The following ZNF341 variants were observed in gnomAD, a reference collection of about 807,000 sequenced individuals.
ZNF341 encodes the protein zinc finger protein 341.
In ZNF341, 52 loss-of-function variants were observed where a neutral mutation model predicts 87.7. The observed-to-expected ratio is 0.59, with a 90% CI of 0.47 to 0.75. The LOEUF is 0.75. ZNF341 is among the 30% of genes least tolerant of loss of function. The pLI is 0.00. For synonymous variants in ZNF341, 459 were observed against 472.7 expected, an observed-to-expected ratio of 0.97 and a Z score of 0.38; for missense variants, 977 against 1,145.9, an observed-to-expected ratio of 0.85 and a Z score of 2.13.
At chr20:33,746,933 T>C (rs991820837) in intron 3 of ZNF341, among the ~76,000 whole-genome samples, 5 of 152,010 alleles carry the variant, frequency 3.3e-5, no homozygotes, top group African/African-American at 1.2e-4. Context: ...GCTGGGCACG[T>C]TGAAGTTGAG....
intron 1 of ZNF341, among the ~76,000 whole-genome samples, chr20:33,739,870 G>C (rs1203800913): frequency 2.0e-5 from 3 of 152,062 alleles, no homozygotes; most frequent in African/African-American, 7.2e-5. Context: ...GATTTATCCA[G>C]CTTTTTTTTT....
chr20:33,791,515 T>A lies in ZNF341; in HGVS notation c.2563T>A (p.Ter855ArgextTer3). 6.4e-7 allele frequency: 1 copy of A among 1,550,496 alleles called. No homozygotes were observed. The highest frequency in any genetic ancestry group is 8.7e-7 in the Non-Finnish European group (1 of 1,151,394). ...AVPVYIQASE[*>R] ...GCCCGTCTACATCCAGGCCTCCGAG[T>A]GACGGACCTGAGGTGTCTGTTTCCT... The change falls in exon 15 of 15, where the codon TGA becomes AGA. Residue 855 changes from the stop codon to arginine, a stop_lost. Coordinates refer to ENST00000375200, the MANE Select transcript of ZNF341 (RefSeq NM_001282933.2).
intron 12 of ZNF341, among the ~76,000 whole-genome samples, 192 bp downstream of exon 12, chr20:33,784,056 C>G (rs546590644): frequency 7.7e-6 from 1 of 129,098 alleles, no homozygotes; most frequent in South Asian, 2.9e-4. Flanking sequence ...GCCCCCGTCT[C>G]CCTCCTCCTC....
Position 33,791,183 on chromosome 20 carries a change from G to T in ZNF341, c.2231G>T (p.Arg744Leu). Residue 744 changes from arginine to leucine, a missense_variant, in exon 15 of 15, where the codon CGG (arginine) becomes CTG (leucine). Coordinates refer to ENST00000375200, the MANE Select transcript of ZNF341 (RefSeq NM_001282933.2). Reference protein sequence around the residue: ...GPQKDKDLQTRRPPQRRAAPR... With the variant: ...GPQKDKDLQTLRPPQRRAAPR... ...CAAAAGGACAAGGACCTGCAAACCC[G>T]GCGGCCCCCCCAGAGGAGGGCAGCC... 1.2e-6 allele frequency: 2 copies of T among 1,613,094 alleles called. No homozygotes were observed. Among genetic ancestry groups the T allele is most frequent in the Non-Finnish European group, 1.7e-6 (2 of 1,179,984 alleles).
rs750529171 is a variant in ZNF341, at chr20:33,791,046, C to T, written c.2094C>T (p.Leu698=). 1.7e-5 allele frequency: 28 copies of T among 1,613,456 alleles called. No individual in the cohort carries two copies. The highest frequency in any genetic ancestry group is 1.6e-4 in the Middle Eastern group (1 of 6,080). The stretch of plus-strand genomic sequence containing the variant: ...AGTCCTTCAGCCGCCGTGCCCACCT[C>T]GCCGAGCATCAGCGCGCCCACACGG... ...CSKSFSRRAH[L]AEHQRAHTGN... The change falls in exon 15 of 15, where the codon CTC becomes CTT. Residue 698 remains leucine, a synonymous_variant. Transcript: ENST00000375200.
intron 6 of ZNF341, among the ~76,000 whole-genome samples, chr20:33,758,490 G>A (rs766149112): frequency 2.6e-5 from 4 of 152,196 alleles, no homozygotes; most frequent in Non-Finnish European, 5.9e-5. Flanking sequence ...GTAGGGCAGA[G>A]GGGAGCCTTT....
intron 13 of ZNF341, 23 bp downstream of exon 13, chr20:33,788,997 G>T (rs750826057): frequency 4.4e-6 from 7 of 1,593,958 alleles, no homozygotes; most frequent in Admixed American, 3.3e-5. Flanking sequence ...TGCCATGCAG[G>T]GGGGTGGGTA....
rs1038792895 is a variant in ZNF341, at chr20:33,744,977, C to G, written c.143-126C>G. 3.7e-6 allele frequency: 3 copies of G among 802,662 alleles called. No homozygotes were observed. In the East Asian group the frequency reaches 7.7e-5, roughly 20 times the overall value. 49.7% of individuals were successfully genotyped at this position (802,662 alleles called of 1,614,324 possible). ...AAGTCGCAGCATGCCCCCCAGATTG[C>G]TGCTTGTGGTCAGCTGCAGTTCTCC... On this transcript the variant is annotated intron_variant, in intron 2 of 14. Coordinates refer to ENST00000375200, the MANE Select transcript of ZNF341 (RefSeq NM_001282933.2).
intron 12 of ZNF341, chr20:33,788,656 A>G: frequency 1.7e-6 from 1 of 603,786 alleles, no homozygotes; most frequent in Non-Finnish European, 3.0e-6. Flanking sequence ...GCATGGCCTC[A>G]TCAGAGAGGC....
intron 10 of ZNF341, among the ~76,000 whole-genome samples, chr20:33,777,715 G>C (rs1213896900): frequency 2.0e-5 from 3 of 151,642 alleles, no homozygotes; most frequent in African/African-American, 7.3e-5. Flanking sequence ...GCCTTACTCA[G>C]AATTTTCCAA....
At chr20:33,735,751 G>T (rs1009614224) in intron 1 of ZNF341, among the ~76,000 whole-genome samples, 1 of 152,058 alleles carries the variant, frequency 6.6e-6, no homozygotes, top group Non-Finnish European at 1.5e-5. Flanking sequence ...CACAACTACA[G>T]TGTGTTACCA....
intron 1 of ZNF341, among the ~76,000 whole-genome samples, chr20:33,733,720 C>T (rs879389605): frequency 2.0e-5 from 3 of 152,104 alleles, no homozygotes; most frequent in Non-Finnish European, 2.9e-5. Context: ...AAATGGGGGG[C>T]GGGGTAGCCC....
At position 33,762,056 on chromosome 20, in the gene ZNF341, G is replaced by C. The variant is rs1198786494; in HGVS notation, c.1222+1G>C. On this transcript the variant is annotated splice_donor_variant, in intron 8 of 14. Coordinates refer to ENST00000375200, the MANE Select transcript of ZNF341 (RefSeq NM_001282933.2). LOFTEE classifies it high-confidence loss of function. The stretch of plus-strand genomic sequence containing the variant: ...AGGCAGGAGGACGAGGAAAGCACAG[G>C]TGGGTGGAAGTAGGGAACGCCATGC... 6.5e-7 allele frequency: 1 copy of C among 1,534,398 alleles called. No homozygotes were observed. Among genetic ancestry groups the C allele is most frequent in the Non-Finnish European group, 8.9e-7 (1 of 1,125,782 alleles).
At chr20:33,775,207 G>GT (rs1251152193) in intron 10 of ZNF341, among the ~76,000 whole-genome samples, 49 of 149,666 alleles carry the variant, frequency 3.3e-4, no homozygotes, top group African/African-American at 1.2e-3. Flanking sequence ...AGTTGAAAGG[G>GT]TTTTGTTTTT....
intron 7 of ZNF341, among the ~76,000 whole-genome samples, chr20:33,760,691 G>A (rs66842348): frequency 0.16 from 24,834 of 151,586 alleles, 2,636 homozygotes; most frequent in East Asian, 0.55. Flanking sequence ...CCACAGGCTC[G>A]CTCCACCACA....
chr20:33,767,506 G>C (rs747184078), intron 9 of ZNF341, among the ~76,000 whole-genome samples: 3 of 151,838 alleles, frequency 2.0e-5, no homozygotes, highest in Non-Finnish European at 2.9e-5. Context: ...CTGACCTCAA[G>C]TGATCCACCC....
intron 7 of ZNF341, among the ~76,000 whole-genome samples, chr20:33,760,648 A>G (rs1481524128): frequency 6.6e-6 from 1 of 152,034 alleles, no homozygotes; most frequent in East Asian, 1.9e-4. Flanking sequence ...GGCTCAAGCA[A>G]TCCTTCTACC....
At chr20:33,789,410 G>GC (rs2019948653) in intron 13 of ZNF341, 108 bp from the exon 14 acceptor site, 2 of 1,164,210 alleles carry the variant, frequency 1.7e-6, no homozygotes, top group South Asian at 2.5e-5. Context: ...TCCTTGCCCA[G>GC]CCCTTAGGGT....
At chr20:33,739,203 C>T (rs1261415359) in intron 1 of ZNF341, among the ~76,000 whole-genome samples, 1 of 152,122 alleles carries the variant, frequency 6.6e-6, no homozygotes, top group Non-Finnish European at 1.5e-5. Flanking sequence ...TTCCTAACCT[C>T]GTGATTCACC....
Sources: allele counts gnomAD v4.1 joint callset (sites outside exome capture counted in the v4.1 genomes callset), GRCh38; gene constraint gnomAD v4.1.1; transcripts MANE v1.5; gene names NCBI Gene and HGNC (gene_info 2026-07-23, HGNC 2026-07-21).